Variants in DPP4 observed in about 807,000 individuals in gnomAD.
DPP4 encodes the protein ADCP-2.
A neutral mutation model predicts 122.4 loss-of-function variants in DPP4; 93 were observed. That is an observed-to-expected ratio of 0.76 (90% CI 0.64 to 0.90). The LOEUF is 0.90. Among genes scored for constraint, DPP4 ranks in the 40% least tolerant of loss-of-function variants. The pLI is 0.00. For missense variants in DPP4, 914 were observed against 907.3 expected, an observed-to-expected ratio of 1.01 and a Z score of -0.09; for synonymous variants, 321 against 302.9, an observed-to-expected ratio of 1.06 and a Z score of -0.62.
intron 4 of DPP4, chr2:162,046,557 A>C (rs1005184821): frequency 5.7e-6 from 2 of 349,606 alleles, no homozygotes; most frequent in Non-Finnish European, 1.1e-5. Flanking sequence ...TAAATCTGGG[A>C]GAAGGTTAGC....
chr2:162,067,037 C>T (rs56119037), intron 2 of DPP4, among the ~76,000 whole-genome samples: 12 of 144,754 alleles, frequency 8.3e-5, no homozygotes, highest in Admixed American at 6.7e-4. Flanking sequence ...CCTTCAATAA[C>T]ACTTGACATG....
intron 2 of DPP4, among the ~76,000 whole-genome samples, chr2:162,070,017 A>C (rs970209982): frequency 1.1e-4 from 16 of 152,370 alleles, no homozygotes; most frequent in Admixed American, 2.0e-4. Flanking sequence ...ATAGTGTAAA[A>C]GAAAAAATAA....
At chr2:162,045,743 G>T (rs1684150572) in intron 4 of DPP4, 131 bp from the exon 5 acceptor site, 2 of 631,688 alleles carry the variant, frequency 3.2e-6, no homozygotes, top group Non-Finnish European at 5.6e-6. Flanking sequence ...TAGCAGAGGT[G>T]GCATATTCAC....
At chr2:162,016,909 A>G (rs200943092) in intron 17 of DPP4, 43 bp from the exon 18 acceptor site, 103 of 1,569,154 alleles carry the variant, frequency 6.6e-5, no homozygotes, top group Non-Finnish European at 1.3e-5. Flanking sequence ...TACAATGTGA[A>G]AAATGTGGAT....
chr2:162,009,134 A>G (rs1701354796), intron 21 of DPP4, 107 bp downstream of exon 21: 2 of 1,160,668 alleles, frequency 1.7e-6, no homozygotes, highest in African/African-American at 3.1e-5. Context: ...CTAAGACTTG[A>G]TAGATGTGAT....
Position 162,024,873 on chromosome 2 carries a change from C to G in DPP4, c.954G>C (p.Arg318Ser). 1 of 1,613,954 alleles carries G rather than the reference C, an allele frequency of 6.2e-7. No homozygotes were observed. Among genetic ancestry groups the G allele is most frequent in the Non-Finnish European group, 8.5e-7 (1 of 1,180,006 alleles). The change falls in exon 11 of 26, where the codon AGG becomes AGC. Residue 318 changes from arginine to serine, a missense_variant. Transcript: ENST00000360534. ...TATCCATGACCGAATAGTTCTGAATCCTCCTGAGCCACTGCAAAGAAATTC... is the reference window on the plus strand; with the variant it reads ...TATCCATGACCGAATAGTTCTGAATGCTCCTGAGCCACTGCAAAGAAATTC... ...QERISLQWLR[R>S]IQNYSVMDIC...
chr2:161,997,209 A>T (rs556650831), intron 23 of DPP4, among the ~76,000 whole-genome samples: 1 of 152,182 alleles, frequency 6.6e-6, no homozygotes, highest in African/African-American at 2.4e-5. Flanking sequence ...AATTTTACTC[A>T]TGAACTCTCA....
chr2:162,067,821 C>T (rs1684996508), intron 2 of DPP4, among the ~76,000 whole-genome samples: 1 of 152,068 alleles, frequency 6.6e-6, no homozygotes, highest in African/African-American at 2.4e-5. Flanking sequence ...TAGCATCCAA[C>T]CATAAAGTAA....
intron 2 of DPP4, among the ~76,000 whole-genome samples, chr2:162,051,866 C>T (rs1410448435): frequency 9.2e-5 from 14 of 152,222 alleles, no homozygotes; most frequent in Non-Finnish European, 2.1e-4. Flanking sequence ...GGATTTGAAA[C>T]CAGGTCCATT....
Position 162,048,352 on chromosome 2 carries a change from T to A in DPP4, c.95-851A>T, listed in dbSNP as rs114437521. ...TTTTCTGGGTATCCCTGACATTAGA[T>A]TCTCCCAATTCTCTCCCTCCTCTGC... is the stretch of plus-strand genomic sequence containing the variant. On this transcript the variant is annotated intron_variant, in intron 2 of 25. Transcript: ENST00000360534. Among the ~76,000 whole-genome samples, 747 of 152,158 alleles carry A rather than the reference T, an allele frequency of 4.9e-3. 9 individuals carry two copies. Among genetic ancestry groups the A allele is most frequent in the African/African-American group, 0.017 (713 of 41,520 alleles).
At chr2:162,049,848 A>C (rs996253351) in intron 2 of DPP4, among the ~76,000 whole-genome samples, 8 of 152,232 alleles carry the variant, frequency 5.3e-5, no homozygotes, top group African/African-American at 1.9e-4. Flanking sequence ...ACTTTGTTTC[A>C]AGAAATAAAA....
chr2:162,073,668 G>C lies in DPP4; in HGVS notation c.7-182C>G, dbSNP rs1685205221. On this transcript the variant is annotated intron_variant, in intron 1 of 25. Transcript: ENST00000360534. ...CGCCAGTTGGAGTTCTCTAAGGCGGGTGCCCTTGAACTTGTGCCTTCAGAG... is the reference window on the plus strand; with the variant it reads ...CGCCAGTTGGAGTTCTCTAAGGCGGCTGCCCTTGAACTTGTGCCTTCAGAG... 1.0e-5 allele frequency: 7 copies of C among 681,372 alleles called. No homozygotes were observed. The South Asian group carries it at 1.3e-4, about 12-fold the overall frequency. 42.2% of individuals were successfully genotyped at this position (681,372 alleles called of 1,614,324 possible). A position where few individuals can be genotyped will look rare whatever the true frequency, so the allele number is the denominator to read the frequency against.
At chr2:162,044,327 T>C (rs958246156) in intron 5 of DPP4, among the ~76,000 whole-genome samples, 2 of 152,086 alleles carry the variant, frequency 1.3e-5, no homozygotes, top group Non-Finnish European at 2.9e-5. Context: ...AATATTACGA[T>C]TAACAGTCAC....
At chr2:162,042,674 T>C (rs1259794241) in intron 5 of DPP4, among the ~76,000 whole-genome samples, 4 of 152,012 alleles carry the variant, frequency 2.6e-5, no homozygotes, top group East Asian at 3.9e-4. Context: ...TTAGTTTCAA[T>C]AGCTTTATAA....
intron 5 of DPP4, among the ~76,000 whole-genome samples, chr2:162,043,892 G>C (rs952443529): frequency 6.6e-6 from 1 of 152,164 alleles, no homozygotes; most frequent in Non-Finnish European, 1.5e-5. Flanking sequence ...GCAGGGCATG[G>C]TGGTGCACAC....
At chr2:162,053,893 A>G (rs4664446) in intron 2 of DPP4, among the ~76,000 whole-genome samples, 64,751 of 152,126 alleles carry the variant, frequency 0.43, 14,554 homozygotes, top group Non-Finnish European at 0.49. Context: ...GCTTAATGGA[A>G]CTGCGGGGCA....
chr2:162,071,584 C>A (rs1685120504), intron 2 of DPP4, among the ~76,000 whole-genome samples: 1 of 152,108 alleles, frequency 6.6e-6, no homozygotes. Context: ...GGAGACTTTC[C>A]CAGAAGTGTT....
At chr2:162,043,389 T>C (rs1298192836) in intron 5 of DPP4, among the ~76,000 whole-genome samples, 2 of 152,184 alleles carry the variant, frequency 1.3e-5, no homozygotes, top group East Asian at 3.9e-4. Flanking sequence ...TGGCATAAAC[T>C]AATTTAGAAT....
intron 16 of DPP4, among the ~76,000 whole-genome samples, chr2:162,018,140 T>C (rs1682989429): frequency 6.6e-6 from 1 of 152,204 alleles, no homozygotes; most frequent in African/African-American, 2.4e-5. Context: ...AAACATTTAT[T>C]TATTTTTGTG....
Sources: gnomAD v4.1 joint callset for allele counts (sites outside exome capture counted in the v4.1 genomes callset) on GRCh38, gnomAD v4.1.1 for gene constraint, MANE v1.5 for transcripts, NCBI Gene and HGNC (gene_info 2026-07-23, HGNC 2026-07-21) for gene names.